NEBL: variants seen among roughly 807,000 people sequenced by gnomAD.
NEBL encodes the protein nebulette.
NEBL carries 122 observed loss-of-function variants against 140.2 expected under a neutral mutation model. The ratio of observed to expected loss-of-function variants is 0.87; its 90% CI spans 0.75 to 1.01. The LOEUF (loss-of-function observed/expected upper bound fraction) is 1.01. NEBL is among the 50% of genes least tolerant of loss of function. The probability of loss-of-function intolerance (pLI) is 0.00; values close to 1 mark genes in which losing one functional copy is unlikely to be tolerated. For synonymous variants in NEBL, 436 were observed against 398.9 expected (o/e 1.09, Z -1.11); for missense variants, 1,365 against 1,231.3 (o/e 1.11, Z -1.62).
In NEBL at chr10:20,810,107, C is replaced by A. The variant is rs80182205; in HGVS notation, c.2519-209G>T. ...CTTTCACAAGTATCTGTTAAGAAATCTTTGTAATCAGATTGAAGTTGCCTG... is the reference window on the plus strand; with the variant it reads ...CTTTCACAAGTATCTGTTAAGAAATATTTGTAATCAGATTGAAGTTGCCTG... On this transcript the variant is annotated intron_variant, in intron 24 of 27. Coordinates refer to ENST00000377122, the MANE Select transcript of NEBL (RefSeq NM_006393.3). 0.015 allele frequency among the ~76,000 whole-genome samples: 2,305 copies of A among 152,200 alleles called. 57 individuals carry two copies. The highest frequency in any genetic ancestry group is 0.053 in the African/African-American group (2,218 of 41,522).
upstream of NEBL, among the ~76,000 whole-genome samples, chr10:20,898,806 CT>C (rs1464272905): frequency 6.6e-6 from 1 of 152,006 alleles, no homozygotes. Flanking sequence ...ATCTACCTAT[CT>C]TTTTTTTAAT....
chr10:21,032,865 T>G (rs1027686247), intron 2 of NEBL, among the ~76,000 whole-genome samples: 3 of 152,190 alleles, frequency 2.0e-5, no homozygotes, highest in Non-Finnish European at 4.4e-5. Context: ...AGGACTCAAT[T>G]GTAACTTCTC....
intron 17 of NEBL, among the ~76,000 whole-genome samples, chr10:20,828,152 T>G (rs1840070345): frequency 6.6e-6 from 1 of 152,208 alleles, no homozygotes; most frequent in Middle Eastern, 3.4e-3. Context: ...TTATTAAGAA[T>G]GAGTAAATGG....
At position 21,034,383 on chromosome 10, in the gene NEBL, C is replaced by T. The variant is rs147702792; in HGVS notation, c.165-14182G>A. Among the ~76,000 whole-genome samples, 1,023 of 152,214 alleles carry T rather than the reference C, an allele frequency of 6.7e-3. 9 individuals are homozygous for T. The highest frequency in any genetic ancestry group is 0.065 in the Middle Eastern group (19 of 294). On this transcript the variant is annotated intron_variant, in intron 2 of 6. Transcript: ENST00000417816. ...TGATCTATGCCTAGCTTATGGGCTACCTCCTGTGCTCAGAGCAGACATTAC... is the reference window on the plus strand; with the variant it reads ...TGATCTATGCCTAGCTTATGGGCTATCTCCTGTGCTCAGAGCAGACATTAC...
intron 23 of NEBL, among the ~76,000 whole-genome samples, chr10:20,813,334 T>C (rs1419244305): frequency 1.3e-5 from 2 of 152,056 alleles, no homozygotes; most frequent in African/African-American, 4.8e-5. Context: ...CAGGCAATCA[T>C]TCATGAAAAT....
chr10:20,933,186 C>T (rs1313967626), intron 4 of NEBL, among the ~76,000 whole-genome samples: 1 of 152,156 alleles, frequency 6.6e-6, no homozygotes, highest in Non-Finnish European at 1.5e-5. Flanking sequence ...TATGGTTCAC[C>T]ATTTGCATCA....
rs12266286 is a variant in NEBL, at chr10:20,888,730, T to C, written c.259-523A>G. Among the ~76,000 whole-genome samples, 1,321 of 152,290 alleles carry C rather than the reference T, an allele frequency of 8.7e-3. 19 individuals are homozygous for C. The highest frequency in any genetic ancestry group is 0.03 in the African/African-American group (1,246 of 41,556). Reference sequence around the variant, plus strand: ...CAGTCACTACTCTAAAGACAAACACTCTTTCCTCTTGGGAAAACTAAGGTT... The same window carrying C: ...CAGTCACTACTCTAAAGACAAACACCCTTTCCTCTTGGGAAAACTAAGGTT... On this transcript the variant is annotated intron_variant, in intron 3 of 27. Coordinates refer to ENST00000377122, the MANE Select transcript of NEBL (RefSeq NM_006393.3).
At chr10:20,995,210 C>G (rs543626776) in intron 3 of NEBL, among the ~76,000 whole-genome samples, 80 of 152,226 alleles carry the variant, frequency 5.3e-4, no homozygotes, top group South Asian at 1.2e-3. Context: ...TACAGCACCC[C>G]CCAGTCTCTG....
intron 2 of NEBL, chr10:21,126,022 C>T: frequency 1.2e-6 from 2 of 1,614,212 alleles, no homozygotes; most frequent in Non-Finnish European, 1.7e-6. Context: ...TCTCCGCAGC[C>T]ACCTGGCAAG....
chr10:20,806,794 G>T (rs996461132), intron 26 of NEBL, among the ~76,000 whole-genome samples: 1 of 152,222 alleles, frequency 6.6e-6, no homozygotes, highest in Admixed American at 6.5e-5. Flanking sequence ...ATGATGGACT[G>T]AGGAGGATAG....
intron 4 of NEBL, among the ~76,000 whole-genome samples, chr10:20,909,816 T>G (rs1848254260): frequency 6.6e-6 from 1 of 152,064 alleles, no homozygotes; most frequent in Non-Finnish European, 1.5e-5. Flanking sequence ...AAACAATTTA[T>G]ACAATGGCTT....
chr10:21,276,021 AGTGCAGT>A (rs1372261009), intron 1 of NEBL, among the ~76,000 whole-genome samples: 6 of 147,316 alleles, frequency 4.1e-5, no homozygotes, highest in Non-Finnish European at 7.4e-5. Context: ...CCCAGACTGA[AGTGCAGT>A]GGTGTGATCT....
upstream of NEBL, among the ~76,000 whole-genome samples, chr10:21,178,277 G>A (rs896515626): frequency 1.3e-5 from 2 of 152,170 alleles, no homozygotes; most frequent in African/African-American, 4.8e-5. Context: ...TCAACATATA[G>A]TTATTGGTAG....
At position 20,923,666 on chromosome 10, in the gene NEBL, C is replaced by CAAAAAAAAAAAAAAAAAAAAAA. The variant is rs71390799; in HGVS notation, c.357+37984_357+38005dup. ...TGCACTCCAGAGCAAGACTCCGTCT[C>CAAAAAAAAAAAAAAAAAAAAAA]AAAAAAAAAAAAAAAAAAAAAAAAA... On this transcript the variant is annotated intron_variant, in intron 4 of 6. Coordinates refer to the NEBL transcript ENST00000417816. Among the ~76,000 whole-genome samples the CAAAAAAAAAAAAAAAAAAAAAA allele has an allele frequency of 7.1e-4, 20 of 28,368 alleles. 2 individuals carry two copies. The highest frequency in any genetic ancestry group is 2.3e-3 in the South Asian group (1 of 426). 18.6% of individuals were successfully genotyped at this position (28,368 alleles called of 152,430 possible). A position where few individuals can be genotyped will look rare whatever the true frequency, so the allele number is the denominator to read the frequency against.
chr10:21,251,119 T>A (rs1842582999), intron 2 of NEBL, among the ~76,000 whole-genome samples: 1 of 152,048 alleles, frequency 6.6e-6, no homozygotes, highest in East Asian at 1.9e-4. Context: ...AAGATTGTAT[T>A]ATTTTTGCTT....
At chr10:21,088,028 A>C (rs1471491796) in intron 2 of NEBL, among the ~76,000 whole-genome samples, 1 of 152,224 alleles carries the variant, frequency 6.6e-6, no homozygotes, top group Non-Finnish European at 1.5e-5. Flanking sequence ...TGTACAAACA[A>C]CATGGAACAA....
chr10:21,224,927 A>G lies in NEBL; in HGVS notation n.348+22994T>C, dbSNP rs141951455. 8.1e-3 allele frequency among the ~76,000 whole-genome samples: 1,241 copies of G among 152,308 alleles called. 18 individuals are homozygous for G. The highest frequency in any genetic ancestry group is 0.028 in the African/African-American group (1,180 of 41,562). ...GTGGAGTCCTCAGGTCTTTCCAAAT[A>G]TAAGATCATATCATTTACAAAGAGG... On this transcript the variant is annotated intron_variant and non_coding_transcript_variant, in intron 3 of 8. Coordinates refer to the NEBL transcript ENST00000675702.
intron 5 of NEBL, among the ~76,000 whole-genome samples, chr10:20,871,824 AT>A (rs542101002): frequency 2.6e-5 from 4 of 151,692 alleles, no homozygotes; most frequent in Non-Finnish European, 2.9e-5. Flanking sequence ...ATCTTTAGGG[AT>A]TTTTTTTTAA....
intron 1 of NEBL, among the ~76,000 whole-genome samples, chr10:21,263,138 T>C (rs1316371892): frequency 6.6e-6 from 1 of 152,202 alleles, no homozygotes; most frequent in African/African-American, 2.4e-5. Flanking sequence ...CATATTATGT[T>C]CTGGGCATTG....
Sources: allele counts gnomAD v4.1 joint callset (sites outside exome capture counted in the v4.1 genomes callset), GRCh38; gene constraint gnomAD v4.1.1; transcripts MANE v1.5; gene names NCBI Gene and HGNC (gene_info 2026-07-23, HGNC 2026-07-21).